THEMIS: variants seen among roughly 807,000 people sequenced by gnomAD.
THEMIS encodes the protein protein THEMIS.
A neutral mutation model predicts 52.6 loss-of-function variants in THEMIS; 37 were observed. The ratio of observed to expected loss-of-function variants is 0.70; its 90% confidence interval spans 0.54 to 0.93. THEMIS has a LOEUF of 0.93. Ranked by LOEUF, THEMIS falls within the 40% of genes least tolerant of loss-of-function variation. The probability of loss-of-function intolerance (pLI) is 0.00; values close to 1 mark genes in which losing one functional copy is unlikely to be tolerated. For missense variants in THEMIS, 808 were observed against 763.1 expected, an observed-to-expected ratio of 1.06 and a Z score of -0.69; for synonymous variants, 292 against 272.7, an observed-to-expected ratio of 1.07 and a Z score of -0.70.
At chr6:127,769,352 G>GTTT (rs200806423) in intron 4 of THEMIS, among the ~76,000 whole-genome samples, 23 of 140,020 alleles carry the variant, frequency 1.6e-4, no homozygotes, top group East Asian at 6.3e-4. Flanking sequence ...GTTTTTTTTT[G>GTTT]TTTTTTTTTT....
intron 4 of THEMIS, among the ~76,000 whole-genome samples, chr6:127,722,097 G>A (rs1774382479): frequency 6.6e-6 from 1 of 152,082 alleles, no homozygotes; most frequent in African/African-American, 2.4e-5. Context: ...GCAAACCTCT[G>A]GCACACTGGA....
the THEMIS span, among the ~76,000 whole-genome samples, chr6:127,697,086 T>C: frequency 6.6e-6 from 1 of 152,132 alleles, no homozygotes; most frequent in Non-Finnish European, 1.5e-5. Context: ...CCGACTCATA[T>C]ATGCAATTGC....
At chr6:127,724,149 A>C (rs190509632) in intron 4 of THEMIS, among the ~76,000 whole-genome samples, 21 of 152,232 alleles carry the variant, frequency 1.4e-4, no homozygotes, top group African/African-American at 4.3e-4. Flanking sequence ...ATATTGGTAG[A>C]TAAAATGCAG....
intron 4 of THEMIS, among the ~76,000 whole-genome samples, chr6:127,755,607 C>T (rs771647179): frequency 1.3e-5 from 2 of 152,164 alleles, no homozygotes; most frequent in Non-Finnish European, 2.9e-5. Flanking sequence ...GCAACATTCT[C>T]ATTCTCCATA....
chr6:127,747,024 A>G (rs1775451274), intron 4 of THEMIS, among the ~76,000 whole-genome samples: 1 of 44,108 alleles, frequency 2.3e-5, no homozygotes, highest in Non-Finnish European at 4.0e-5. Context: ...ATATAATTAT[A>G]TATAGATATA....
Position 127,829,534 on chromosome 6 carries a change from T to C in THEMIS, c.651A>G (p.Lys217=), listed in dbSNP as rs1268500963. ...TGAGAATCAGGGTACCATAAAAGTC[T>C]TTAGGAAATGGATTCGTTGAGTCCC... The part of the protein sequence containing the change: ...NKWDSTNPFP[K]DFYGTLILKP... The change falls in exon 3 of 6, where the codon AAA becomes AAG. Residue 217 remains lysine (K), a synonymous_variant. Coordinates refer to ENST00000368248, the MANE Select transcript of THEMIS (RefSeq NM_001010923.3). 3 of 1,613,456 alleles carry C rather than the reference T, an allele frequency of 1.9e-6. No individual in the cohort carries two copies. The African/African-American group carries it at 4.0e-5, about 22-fold the overall frequency.
chr6:127,762,024 T>A (rs1229113593), intron 4 of THEMIS, among the ~76,000 whole-genome samples: 1 of 152,124 alleles, frequency 6.6e-6, no homozygotes, highest in East Asian at 1.9e-4. Context: ...GATTAATGAA[T>A]GGATAAAGAA....
chr6:127,730,294 AAG>A (rs1402207961), intron 4 of THEMIS, among the ~76,000 whole-genome samples: 1 of 146,782 alleles, frequency 6.8e-6, no homozygotes, highest in South Asian at 2.1e-4. Context: ...AAGAAAAGAA[AAG>A]AAAAGAAAAG....
At chr6:127,736,851 C>CAAAAA (rs3057968) in intron 4 of THEMIS, among the ~76,000 whole-genome samples, 1 of 104,880 alleles carries the variant, frequency 9.5e-6, no homozygotes, top group Non-Finnish European at 1.8e-5. Flanking sequence ...ACCAAATGAT[C>CAAAAA]AAAAAAAAAA....
chr6:127,830,618 A>G (rs1778668451), intron 2 of THEMIS, among the ~76,000 whole-genome samples: 3 of 151,992 alleles, frequency 2.0e-5, no homozygotes. Flanking sequence ...CTCAGGAGGT[A>G]GAGGTTGTAG....
At chr6:127,727,832 C>T (rs1307911983) in intron 4 of THEMIS, among the ~76,000 whole-genome samples, 1 of 152,100 alleles carries the variant, frequency 6.6e-6, no homozygotes, top group Non-Finnish European at 1.5e-5. Flanking sequence ...AGCCTGCTTT[C>T]TATCTCCTCA....
the THEMIS span, among the ~76,000 whole-genome samples, chr6:127,698,969 C>A: frequency 6.6e-6 from 1 of 151,748 alleles, no homozygotes; most frequent in Non-Finnish European, 1.5e-5. Context: ...AATTCCACAG[C>A]CTTAAGTTTT....
chr6:127,847,821 A>G (rs1779270152), intron 2 of THEMIS, among the ~76,000 whole-genome samples: 1 of 151,560 alleles, frequency 6.6e-6, no homozygotes, highest in Non-Finnish European at 1.5e-5. Flanking sequence ...AACCAAAAAG[A>G]GCCCACAGAG....
the THEMIS span, among the ~76,000 whole-genome samples, chr6:127,702,803 AAGAGAAG>A: frequency 6.6e-6 from 1 of 152,074 alleles, no homozygotes; most frequent in Non-Finnish European, 1.5e-5. Context: ...AGTGGCAGAC[AAGAGAAG>A]AGAGCTTGTG....
intron 2 of THEMIS, among the ~76,000 whole-genome samples, chr6:127,841,720 G>A (rs950301278): frequency 6.0e-5 from 9 of 150,576 alleles, no homozygotes; most frequent in Admixed American, 6.6e-5. Context: ...AAAAGCAAGA[G>A]AAAAAAAAAT....
chr6:127,854,973 A>G (rs1188189839), intron 2 of THEMIS, 57 bp downstream of exon 2: 5 of 1,466,886 alleles, frequency 3.4e-6, no homozygotes, highest in Admixed American at 2.4e-5. Context: ...TTGTGTATAT[A>G]TACATATTAA....
In THEMIS at chr6:127,719,671, T is replaced by C. The variant is rs1308356368; in HGVS notation, c.1894+17A>G. 3.1e-6 allele frequency: 5 copies of C among 1,599,832 alleles called. No individual in the cohort carries two copies. The highest frequency in any genetic ancestry group is 4.3e-6 in the Non-Finnish European group (5 of 1,174,328). On this transcript the variant is annotated intron_variant, in intron 5 of 5. Transcript: ENST00000368248. ...TTAAACCACCGTGGTTTAACTGACCTATAGTCACATCAGTACCTGCTATTG... is the reference window on the plus strand; with the variant it reads ...TTAAACCACCGTGGTTTAACTGACCCATAGTCACATCAGTACCTGCTATTG...
chr6:127,735,677 A>G (rs1355930473), intron 4 of THEMIS, among the ~76,000 whole-genome samples: 1 of 152,204 alleles, frequency 6.6e-6, no homozygotes, highest in East Asian at 1.9e-4. Flanking sequence ...ATGTGTGTTT[A>G]CAACTTCAGA....
At chr6:127,792,749 G>A (rs1283057405) in intron 4 of THEMIS, among the ~76,000 whole-genome samples, 1 of 152,178 alleles carries the variant, frequency 6.6e-6, no homozygotes, top group Admixed American at 6.5e-5. Flanking sequence ...CAGTTTTGCA[G>A]CATGGTCTGG....
Sources: gnomAD v4.1 joint callset for allele counts (sites outside exome capture counted in the v4.1 genomes callset) on GRCh38, gnomAD v4.1.1 for gene constraint, MANE v1.5 for transcripts, NCBI Gene and HGNC (gene_info 2026-07-23, HGNC 2026-07-21) for gene names.